The following RACGAP1 variants were observed in gnomAD, a reference collection of about 807,000 sequenced individuals.
The protein encoded by RACGAP1 is rac GTPase-activating protein 1.
RACGAP1 carries 30 observed loss-of-function variants against 78.1 expected under a neutral mutation model. The ratio of observed to expected loss-of-function variants is 0.38; its 90% CI spans 0.29 to 0.52. The LOEUF (loss-of-function observed/expected upper bound fraction) is 0.52. Among genes scored for constraint, RACGAP1 ranks in the 20% least tolerant of loss-of-function variants. The pLI is 0.82. For missense variants in RACGAP1, 587 were observed against 777.1 expected (o/e 0.76, Z 2.91); for synonymous variants, 231 against 264.8 (o/e 0.87, Z 1.24).
At chr12:49,998,112 T>C (rs567316632) in intron 9 of RACGAP1, among the ~76,000 whole-genome samples, 91 of 152,006 alleles carry the variant, frequency 6.0e-4, no homozygotes, top group Non-Finnish European at 1.2e-3. Flanking sequence ...AGCAGAAAAC[T>C]TGGATGTTGG....
intron 1 of RACGAP1, 44 bp from the exon 2 acceptor site, chr12:50,016,763 C>T (rs759849375): frequency 6.3e-7 from 1 of 1,588,278 alleles, no homozygotes; most frequent in African/African-American, 1.3e-5. Flanking sequence ...GCCTTCTCGC[C>T]CACAACAAAA....
chr12:50,012,210 T>C (rs1949384239), intron 2 of RACGAP1, among the ~76,000 whole-genome samples: 3 of 152,072 alleles, frequency 2.0e-5, no homozygotes, highest in Admixed American at 2.0e-4. Flanking sequence ...TTGGATCACC[T>C]GAGGTCGGGA....
chr12:50,006,699 T>TGA, intron 2 of RACGAP1, 63 bp from the exon 3 acceptor site: 1 of 1,483,748 alleles, frequency 6.7e-7, no homozygotes, highest in Non-Finnish European at 9.3e-7. Flanking sequence ...CTCTAATAAA[T>TGA]GAGTCCTACG....
intron 8 of RACGAP1, 44 bp from the exon 9 acceptor site, chr12:49,999,315 G>C: frequency 6.4e-7 from 1 of 1,568,562 alleles, no homozygotes; most frequent in Non-Finnish European, 8.6e-7. Context: ...TAAGTATTTT[G>C]CTCCTTCTAA....
chr12:49,999,770 G>C (rs767960605), intron 7 of RACGAP1, 37 bp from the exon 8 acceptor site: 2 of 1,498,480 alleles, frequency 1.3e-6, no homozygotes, highest in South Asian at 1.1e-5. Context: ...GACAAACAAA[G>C]AATCTAACTT....
intron 5 of RACGAP1, among the ~76,000 whole-genome samples, chr12:50,002,972 T>C (rs1379596280): frequency 2.1e-5 from 3 of 144,834 alleles, no homozygotes; most frequent in Non-Finnish European, 4.5e-5. Context: ...TGCAGTGAGC[T>C]GAGATTGCGC....
At chr12:49,991,507 T>TTTA (rs1386437207) in intron 15 of RACGAP1, among the ~76,000 whole-genome samples, 62 of 114,780 alleles carry the variant, frequency 5.4e-4, no homozygotes, top group African/African-American at 2.0e-3. Flanking sequence ...TTTTTTTTTT[T>TTTA]AGACAGAGTC....
intron 9 of RACGAP1, 23 bp from the exon 10 acceptor site, chr12:49,997,227 G>A: frequency 6.7e-7 from 1 of 1,503,074 alleles, no homozygotes; most frequent in Middle Eastern, 1.8e-4. Flanking sequence ...AGGGCAGAAG[G>A]AACAGAGTGA....
upstream of RACGAP1, among the ~76,000 whole-genome samples, chr12:50,028,154 CTATT>C (rs1293439697): frequency 1.3e-5 from 2 of 152,160 alleles, no homozygotes; most frequent in East Asian, 1.9e-4. Flanking sequence ...GGTAGACTCT[CTATT>C]TAGGCCAGTG....
intron 1 of RACGAP1, chr12:50,019,724 A>AAATT (rs766196631): frequency 1.3e-5 from 2 of 149,712 alleles, no homozygotes; most frequent in Non-Finnish European, 3.0e-5. Context: ...ATAAATAAAT[A>AAATT]AAAAGGTCCT....
In RACGAP1 at chr12:49,997,048, T is replaced by C. The variant is rs1238637858; in HGVS notation, c.1036A>G (p.Ile346Val). The C allele has an allele frequency of 5.9e-6, 9 of 1,536,186 alleles. No homozygotes were observed. The highest frequency in any genetic ancestry group is 6.2e-6 in the Non-Finnish European group (7 of 1,131,040). ...GCTTGCATAAGTCATACCTCTCCAA[T>C]CTTGACAGGTGTTCCTATCAGGGTA... ...IPTLIGTPVK[I>V]GEGMLADFVS... The change falls in exon 10 of 17, where the codon ATT (isoleucine) becomes GTT (valine). Residue 346 changes from isoleucine (I) to valine (V), a missense_variant. Physicochemically the swap from Ile to Val is conservative, Grantham distance 29. Transcript: ENST00000312377.
At position 50,005,344 on chromosome 12, in the gene RACGAP1, C is replaced by G; in HGVS notation, c.337G>C (p.Gly113Arg). The G allele has an allele frequency of 6.2e-7, 1 of 1,614,196 alleles. No homozygotes were observed. Among genetic ancestry groups the G allele is most frequent in the South Asian group, 1.1e-5 (1 of 91,080 alleles). ...TGCTCCTCGCTTAGTTGAATGCTGC[C>G]AGATGTGTCACACATGAGCATCTCT... ...IREMLMCDTS[G>R]SIQLSEEQKS... The change falls in exon 4 of 17, where the codon GGC becomes CGC. Residue 113 changes from glycine to arginine, a missense_variant. Transcript: ENST00000312377.
In RACGAP1 at chr12:49,992,226, C is replaced by T. The variant is rs767522034; in HGVS notation, c.1578+19G>A. The T allele has an allele frequency of 9.3e-6, 15 of 1,613,706 alleles. No individual in the cohort carries two copies. In the African/African-American group the frequency reaches 1.6e-4, roughly 17 times the overall value. On this transcript the variant is annotated intron_variant, in intron 14 of 16. Transcript: ENST00000312377. ...CACATTACACAAGTTCACATACACACACACACGCACCTGCCTACCTTGGGT... is the reference window on the plus strand; with the variant it reads ...CACATTACACAAGTTCACATACACATACACACGCACCTGCCTACCTTGGGT...
At chr12:50,007,894 C>CT (rs772417528) in intron 2 of RACGAP1, among the ~76,000 whole-genome samples, 28 of 147,568 alleles carry the variant, frequency 1.9e-4, no homozygotes, top group South Asian at 1.7e-3. Flanking sequence ...GAACATACTA[C>CT]TTTTTTGTGG....
At chr12:50,012,749 ACT>A (rs1344606929) in intron 2 of RACGAP1, among the ~76,000 whole-genome samples, 1 of 149,720 alleles carries the variant, frequency 6.7e-6, no homozygotes, top group Non-Finnish European at 1.5e-5. Context: ...ACAGAGTGAG[ACT>A]CTGTTTCAAA....
Position 50,024,208 on chromosome 12 carries a change from T to C in RACGAP1, c.-5+1190A>G, listed in dbSNP as rs144816759. ...TATCAAAAAGACCCCTGCATTGATA[T>C]ATTTATCACAGCAGAATTTACAGTA... is the stretch of plus-strand genomic sequence containing the variant. On this transcript the variant is annotated intron_variant, in intron 1 of 16. Transcript: ENST00000312377. Among the ~76,000 whole-genome samples the C allele has an allele frequency of 4.9e-3, 743 of 151,820 alleles. 2 individuals carry two copies. The highest frequency in any genetic ancestry group is 0.014 in the Middle Eastern group (4 of 292).
chr12:50,021,028 C>A, intron 1 of RACGAP1: 4 of 783,850 alleles, frequency 5.1e-6, no homozygotes, highest in Non-Finnish European at 6.2e-6. Flanking sequence ...ATATCTCAGC[C>A]AAATTGTAAC....
Position 49,994,243 on chromosome 12 carries a change from G to A in RACGAP1, c.1227C>T (p.Leu409=), listed in dbSNP as rs757188324. Residue 409 remains leucine (L), a synonymous_variant, in exon 12 of 17, where the codon CTC becomes CTT. Transcript: ENST00000312377. The stretch of plus-strand genomic sequence containing the variant: ...TAGCATGGATATCATCCACTTTGCT[G>A]AGGAGGGGTACAGTTTTCACTCTGA... ...KFLRVKTVPL[L]SKVDDIHAIC... 2.5e-6 allele frequency: 4 copies of A among 1,614,050 alleles called. No homozygotes were observed. Among genetic ancestry groups the A allele is most frequent in the Non-Finnish European group, 3.4e-6 (4 of 1,180,034 alleles).
At chr12:50,013,791 A>G (rs1250505113) in intron 2 of RACGAP1, among the ~76,000 whole-genome samples, 1 of 152,196 alleles carries the variant, frequency 6.6e-6, no homozygotes, top group Non-Finnish European at 1.5e-5. Context: ...CCTTTCCTCC[A>G]TGACACCATT....
Sources: allele counts gnomAD v4.1 joint callset (sites outside exome capture counted in the v4.1 genomes callset), GRCh38; gene constraint gnomAD v4.1.1; transcripts MANE v1.5; gene names NCBI Gene and HGNC (gene_info 2026-07-23, HGNC 2026-07-21).